OR3A2: variants seen among roughly 807,000 people sequenced by gnomAD.
OR3A2 encodes the protein olfactory receptor 3A2.
For synonymous variants in OR3A2, 126 were observed against 159.3 expected (o/e 0.79, Z 1.57); for missense variants, 318 against 392.8 (o/e 0.81, Z 1.61).
At chr17:3,354,646 CTCTT>C (rs1271551893) in intron 2 of OR3A2, among the ~76,000 whole-genome samples, 1 of 151,198 alleles carries the variant, frequency 6.6e-6, no homozygotes, top group Non-Finnish European at 1.5e-5. Context: ...TTGGTCTTCT[CTCTT>C]TTTTTCTTAG....
chr17:3,348,212 G>A (rs1273963690), intron 2 of OR3A2, among the ~76,000 whole-genome samples: 2 of 152,028 alleles, frequency 1.3e-5, no homozygotes, highest in African/African-American at 4.8e-5. Flanking sequence ...TCACTCTGAT[G>A]GTAGTTTCTT....
chr17:3,329,332 A>T lies in OR3A2; in HGVS notation c.-85+6701T>A, dbSNP rs976838150. 2.1e-4 allele frequency among the ~76,000 whole-genome samples: 31 copies of T among 149,610 alleles called. 1 individual carries two copies. Among genetic ancestry groups the T allele is most frequent in the African/African-American group, 7.6e-4 (31 of 40,644 alleles). Reference sequence around the variant, plus strand: ...TCTGGTAGAATTTGGCTGTGAATCCATCTGGTCCTGGACTCTTTTTGGTTG... The same window carrying T: ...TCTGGTAGAATTTGGCTGTGAATCCTTCTGGTCCTGGACTCTTTTTGGTTG... On this transcript the variant is annotated intron_variant, in intron 3 of 4. Transcript: ENST00000573491.
At position 3,311,080 on chromosome 17, in the gene OR3A2, C is replaced by T. The variant is rs200443819; in HGVS notation, c.-85+24953G>A. ...ACTGTGGTGGGCATCTTCTATGGGA[C>T]GGGCGTCTTCAGCTACACAAGGCTG... On this transcript the variant is annotated intron_variant, in intron 3 of 4. Transcript: ENST00000573491. The surrounding 1 kb of genome is among the most constrained non-coding windows in gnomAD (Gnocchi z 4.6). 22 of 544,438 alleles carry T rather than the reference C, an allele frequency of 4.0e-5. No individual in the cohort carries two copies. The highest frequency in any genetic ancestry group is 1.2e-4 in the African/African-American group (6 of 52,162). 33.7% of individuals were successfully genotyped at this position (544,438 alleles called of 1,614,324 possible). A position where few individuals can be genotyped will look rare whatever the true frequency, so the allele number is the denominator to read the frequency against.
chr17:3,382,987 G>A (rs1219699215), intron 2 of OR3A2, among the ~76,000 whole-genome samples: 1 of 152,200 alleles, frequency 6.6e-6, no homozygotes, highest in Non-Finnish European at 1.5e-5. Flanking sequence ...GTACGGCTGA[G>A]CCATCATACG....
intron 3 of OR3A2, among the ~76,000 whole-genome samples, chr17:3,301,323 TC>T (rs1235257023): frequency 1.3e-5 from 2 of 152,168 alleles, no homozygotes; most frequent in South Asian, 4.1e-4. Flanking sequence ...GTAAAAGTGT[TC>T]CTATTTCTTC....
At chr17:3,349,906 A>G (rs568741368) in intron 2 of OR3A2, among the ~76,000 whole-genome samples, 1 of 152,250 alleles carries the variant, frequency 6.6e-6, no homozygotes, top group South Asian at 2.1e-4. Context: ...CCATATGGAA[A>G]CTGAACAACC....
chr17:3,279,237 G>C (rs1167210502), intron 1 of OR3A2, 84 bp from the exon 4 acceptor site: 3 of 377,960 alleles, frequency 7.9e-6, no homozygotes, highest in Non-Finnish European at 1.4e-5. Flanking sequence ...CCTCGCCACA[G>C]GGGGGAAATG....
intron 2 of OR3A2, among the ~76,000 whole-genome samples, chr17:3,346,812 C>T (rs2049367724): frequency 6.6e-6 from 1 of 152,154 alleles, no homozygotes; most frequent in Admixed American, 6.5e-5. Context: ...CTGTGCCTGG[C>T]TTATTCACTC....
At chr17:3,366,085 G>A (rs544746592) in intron 2 of OR3A2, among the ~76,000 whole-genome samples, 6 of 152,322 alleles carry the variant, frequency 3.9e-5, no homozygotes, top group Admixed American at 2.6e-4. Context: ...AGCGGAAAAC[G>A]TCTGATGGAA....
At chr17:3,347,514 A>C (rs564496423) in intron 2 of OR3A2, among the ~76,000 whole-genome samples, 1 of 152,028 alleles carries the variant, frequency 6.6e-6, no homozygotes, top group Non-Finnish European at 1.5e-5. Context: ...TTGTTCTTGC[A>C]ATAGTTTACT....
At chr17:3,349,916 C>T (rs1185882519) in intron 2 of OR3A2, among the ~76,000 whole-genome samples, 1 of 151,942 alleles carries the variant, frequency 6.6e-6, no homozygotes, top group Non-Finnish European at 1.5e-5. Context: ...ACTGAACAAC[C>T]TGCTCCTGAA....
Position 3,371,879 on chromosome 17 carries a change from AC to A in OR3A2, c.-179+11924del, listed in dbSNP as rs1187351311. ...GGGCGGCTGGCCGGGAGGGGAGCTG[AC>A]CCCCCCACCTCCCTCCCGGACGGGG... On this transcript the variant is annotated intron_variant, in intron 2 of 4. Transcript: ENST00000573491. Among the ~76,000 whole-genome samples the A allele has an allele frequency of 4.7e-5, 5 of 106,436 alleles. 1 individual carries two copies. Among genetic ancestry groups the A allele is most frequent in the Admixed American group, 1.0e-4 (1 of 10,046 alleles). 69.8% of individuals were successfully genotyped at this position (106,436 alleles called of 152,430 possible).
intron 2 of OR3A2, among the ~76,000 whole-genome samples, chr17:3,364,499 G>A (rs758525290): frequency 5.3e-5 from 8 of 152,152 alleles, no homozygotes; most frequent in South Asian, 2.1e-4. Flanking sequence ...CCCTGTCCAC[G>A]TCTCACCCAG....
intron 2 of OR3A2, among the ~76,000 whole-genome samples, chr17:3,359,009 A>G (rs2049486602): frequency 6.6e-6 from 1 of 151,852 alleles, no homozygotes; most frequent in Non-Finnish European, 1.5e-5. Flanking sequence ...TTCTTGTTGA[A>G]TTGAACCCTT....
intron 2 of OR3A2, among the ~76,000 whole-genome samples, chr17:3,365,632 C>T (rs539160332): frequency 5.3e-5 from 8 of 152,280 alleles, no homozygotes; most frequent in South Asian, 2.1e-4. Context: ...GAGGCTCCAC[C>T]GTCTTGAACT....
chr17:3,376,569 G>A (rs2049686638), intron 2 of OR3A2, among the ~76,000 whole-genome samples: 1 of 152,124 alleles, frequency 6.6e-6, no homozygotes, highest in African/African-American at 2.4e-5. Flanking sequence ...GGGAAGTGGG[G>A]AAAACCAGCA....
chr17:3,324,724 G>C (rs1248843112), intron 3 of OR3A2, among the ~76,000 whole-genome samples: 1 of 152,018 alleles, frequency 6.6e-6, no homozygotes, highest in African/African-American at 2.4e-5. Flanking sequence ...TGGAAGTTTT[G>C]TCTCAGAGGA....
chr17:3,278,848 C>G, exon 2 of OR3A2: 1 of 1,532,508 alleles, frequency 6.5e-7, no homozygotes, highest in South Asian at 1.3e-5. Context: ...TGCATCTCTT[C>G]TGTTTGCACT....
intron 2 of OR3A2, among the ~76,000 whole-genome samples, chr17:3,363,098 C>T (rs1470725775): frequency 6.6e-6 from 1 of 151,802 alleles, no homozygotes; most frequent in Non-Finnish European, 1.5e-5. Flanking sequence ...CTCTGAAATG[C>T]ACTGGAGACA....
Sources: gnomAD v4.1 joint callset for allele counts (sites outside exome capture counted in the v4.1 genomes callset) on GRCh38, gnomAD v4.1.1 for gene constraint, Gnocchi (gnomAD v3.1) non-coding constraint, MANE v1.5 for transcripts, NCBI Gene and HGNC (gene_info 2026-07-23, HGNC 2026-07-21) for gene names.